CEP131: variants seen among roughly 807,000 people sequenced by gnomAD.
CEP131 encodes centrosomal protein 131.
CEP131 carries 99 observed loss-of-function variants against 136.8 expected under a neutral mutation model. The ratio of observed to expected loss-of-function variants is 0.72; its 90% CI spans 0.62 to 0.86. The LOEUF (loss-of-function observed/expected upper bound fraction) is 0.86, where lower values mean the gene tolerates loss of function less well. Ranked by LOEUF, CEP131 falls within the 40% of genes least tolerant of loss-of-function variation. CEP131 has a pLI of 0.00. For synonymous variants in CEP131, 646 were observed against 612.7 expected, an observed-to-expected ratio of 1.05 and a Z score of -0.80; for missense variants, 1,459 against 1,463.0, an observed-to-expected ratio of 1.00 and a Z score of 0.04.
intron 25 of CEP131, 36 bp from the exon 26 acceptor site, chr17:81,189,879 C>T (rs1456236959): frequency 6.2e-7 from 1 of 1,612,456 alleles, no homozygotes; most frequent in African/African-American, 1.3e-5. Flanking sequence ...CTGCTCCCAG[C>T]CCCGAGGTCC....
chr17:81,217,104 C>T (rs2062264206), intron 2 of CEP131, among the ~76,000 whole-genome samples: 1 of 152,126 alleles, frequency 6.6e-6, no homozygotes, highest in Admixed American at 6.5e-5. Flanking sequence ...TGAGCTTGTG[C>T]TCTTGGGATT....
chr17:81,206,462 A>G (rs936637673), intron 5 of CEP131, among the ~76,000 whole-genome samples: 4 of 152,120 alleles, frequency 2.6e-5, no homozygotes, highest in African/African-American at 9.7e-5. Flanking sequence ...CTCCTCAGCC[A>G]AGGCCCCTCC....
intron 1 of CEP131, 86 bp from the exon 2 acceptor site, chr17:81,220,159 G>T: frequency 8.4e-7 from 1 of 1,185,274 alleles, no homozygotes; most frequent in Non-Finnish European, 1.1e-6. Context: ...AGCCTCAGCT[G>T]GGTCCACTGG....
At chr17:81,193,310 G>A (rs2146504459) in intron 18 of CEP131, among the ~76,000 whole-genome samples, 1 of 152,330 alleles carries the variant, frequency 6.6e-6, no homozygotes, top group Admixed American at 6.5e-5. Flanking sequence ...CCTTCGAGGA[G>A]AGACTGGGGG....
At position 81,190,938 on chromosome 17, in the gene CEP131, T is replaced by G; in HGVS notation, c.2912A>C (p.Gln971Pro). 6.2e-7 allele frequency: 1 copy of G among 1,604,964 alleles called. No individual in the cohort carries two copies. The highest frequency in any genetic ancestry group is 1.1e-5 in the South Asian group (1 of 91,060). Residue 971 changes from glutamine (Q) to proline (P), a missense_variant, in exon 23 of 26, where the codon CAG (glutamine) becomes CCG (proline). Physicochemically the swap from Gln to Pro is moderately conservative, Grantham distance 76. Around this residue, in one of 3 missense-constraint regions of CEP131, gnomAD observed 1,026 missense variants for 964.2 expected, o/e 1.06. Coordinates refer to ENST00000450824, the MANE Select transcript of CEP131 (RefSeq NM_014984.4). The stretch of plus-strand genomic sequence containing the variant: ...CGCATCCTCCAGCGCCCGCTCCTTC[T>G]GCCGCACAAGGCCCTGCAGACGCAG... ...ENLRLQGLVR[Q>P]KERALEDAQA...
Position 81,194,146 on chromosome 17 carries a change from C to G in CEP131, c.2120-19G>C, listed in dbSNP as rs1263513880. 1 of 1,499,390 alleles carries G rather than the reference C, an allele frequency of 6.7e-7. No individual in the cohort carries two copies. The highest frequency in any genetic ancestry group is 1.4e-5 in the African/African-American group (1 of 70,390). The allele number at this position is 1,499,390 out of a possible 1,614,324, so 92.9% of individuals were successfully genotyped here. On this transcript the variant is annotated intron_variant, in intron 17 of 25. Transcript: ENST00000450824. ...TCCAGACCTGGGGGCGGGGCACCAG[C>G]TAGGGCCACGTCCAGCTAGGGTGGG... is the stretch of plus-strand genomic sequence containing the variant.
intron 18 of CEP131, among the ~76,000 whole-genome samples, chr17:81,193,085 A>G (rs541555234): frequency 8.6e-4 from 131 of 152,320 alleles, no homozygotes; most frequent in Non-Finnish European, 1.2e-3. Context: ...CCCTCGTGGC[A>G]CTTTGGGAAG....
At chr17:81,200,080 T>C in intron 8 of CEP131, 1 of 608,920 alleles carries the variant, frequency 1.6e-6, no homozygotes, top group South Asian at 2.0e-5. Context: ...CCACAGAACG[T>C]CCTCCTGAGA....
At position 81,198,269 on chromosome 17, in the gene CEP131, T is replaced by C; in HGVS notation, c.1316A>G (p.Asp439Gly). Residue 439 changes from aspartate (D) to glycine (G), a missense_variant, in exon 12 of 26, where the codon GAC (aspartate) becomes GGC (glycine). This residue lies in a region of CEP131 where 1,026 missense variants were observed against 964.2 expected (regional missense o/e 1.06). Coordinates refer to ENST00000450824, the MANE Select transcript of CEP131 (RefSeq NM_014984.4). ...QDVLAQDAAG[D>G]NLEMMAPSRG... is the part of the protein sequence containing the mutation. ...GCTCGGGGCCATCATCTCCAGGTTG[T>C]CCCCAGCTGCATCCTGGGCAAGAAC... The C allele has an allele frequency of 1.2e-6, 2 of 1,603,740 alleles. No homozygotes were observed. Among genetic ancestry groups the C allele is most frequent in the Non-Finnish European group, 1.7e-6 (2 of 1,175,240 alleles).
rs774071311 is a variant in CEP131 at position 81,194,982 on chromosome 17, G to A, written c.2017-10C>T. The A allele has an allele frequency of 5.6e-6, 9 of 1,604,702 alleles. No homozygotes were observed. The Admixed American group carries it at 1.5e-4, about 27-fold the overall frequency. Reference sequence around the variant, plus strand: ...TGAGTTTTTTAATCTCCTACGAGCAGAACAGGGCAGGAGGAAACGACACGA... The same window carrying A: ...TGAGTTTTTTAATCTCCTACGAGCAAAACAGGGCAGGAGGAAACGACACGA... On this transcript the variant is annotated splice_polypyrimidine_tract_variant and intron_variant, in intron 16 of 25. Coordinates refer to ENST00000450824, the MANE Select transcript of CEP131 (RefSeq NM_014984.4).
At chr17:81,207,420 G>GAA (rs1438829463) in intron 3 of CEP131, among the ~76,000 whole-genome samples, 181 bp from the exon 4 acceptor site, 4 of 152,090 alleles carry the variant, frequency 2.6e-5, no homozygotes, top group African/African-American at 4.8e-5. Flanking sequence ...CAGTGGAGCT[G>GAA]GGCGTTCAGG....
chr17:81,201,778 C>T (rs2061895456), intron 7 of CEP131, among the ~76,000 whole-genome samples: 1 of 152,136 alleles, frequency 6.6e-6, no homozygotes, highest in Non-Finnish European at 1.5e-5. Context: ...GTAAATAGAA[C>T]CACACCACAT....
rs750520168 is a variant in CEP131, at chr17:81,192,352, CTCT to C, written c.2585_2587del (p.Glu862_Arg863delinsGly). Reference sequence around the variant, plus strand: ...GGTGCGGCCGGCCTCCCACGCCTGCCTCTCCAGCTCCAGCTGCTGCTTCAGGGT... The same window carrying C: ...GGTGCGGCCGGCCTCCCACGCCTGCCCCAGCTCCAGCTGCTGCTTCAGGGT... On this transcript the variant is annotated inframe_deletion, in exon 21 of 26. Coordinates refer to ENST00000450824, the MANE Select transcript of CEP131 (RefSeq NM_014984.4). The C allele has an allele frequency of 3.2e-6, 5 of 1,585,156 alleles. No individual in the cohort carries two copies. The Admixed American group carries it at 8.9e-5, about 28-fold the overall frequency.
chr17:81,196,736 C>G lies in CEP131; in HGVS notation c.1864G>C (p.Ala622Pro). 1 of 1,603,782 alleles carries G rather than the reference C, an allele frequency of 6.2e-7. No individual in the cohort carries two copies. The highest frequency in any genetic ancestry group is 8.5e-7 in the Non-Finnish European group (1 of 1,177,436). Residue 622 changes from alanine (A) to proline (P), a missense_variant, in exon 15 of 26, where the codon GCC (alanine) becomes CCC (proline). By Grantham distance (27) the Ala-to-Pro change is conservative (BLOSUM62 -1). This residue lies in a region of CEP131 where 1,026 missense variants were observed against 964.2 expected (regional missense o/e 1.06). Transcript: ENST00000450824. Reference protein sequence around the residue: ...QLQRQREHYEATIQRHLAFID... With the variant: ...QLQRQREHYEPTIQRHLAFID... Reference sequence around the variant, plus strand: ...AAGGCCAAGTGCCGCTGGATGGTGGCCTCGTAGTGCTCCCTCTGCCGCTGC... The same window carrying G: ...AAGGCCAAGTGCCGCTGGATGGTGGGCTCGTAGTGCTCCCTCTGCCGCTGC...
chr17:81,193,379 A>C (rs1598269529), intron 18 of CEP131, among the ~76,000 whole-genome samples: 1 of 152,228 alleles, frequency 6.6e-6, no homozygotes, highest in African/African-American at 2.4e-5. Flanking sequence ...TGGATAGGAG[A>C]GGGTGGCTTC....
chr17:81,202,211 C>A (rs1292424491), intron 7 of CEP131, 29 bp downstream of exon 7: 10 of 1,091,396 alleles, frequency 9.2e-6, no homozygotes, highest in Admixed American at 2.5e-5. Flanking sequence ...TAGGCTCAGG[C>A]CCCCCCCCAC....
Position 81,203,683 on chromosome 17 carries a change from G to T in CEP131, c.516-76C>A. 1 of 1,203,334 alleles carries T rather than the reference G, an allele frequency of 8.3e-7. No individual in the cohort carries two copies. Among genetic ancestry groups the T allele is most frequent in the Non-Finnish European group, 1.2e-6 (1 of 848,360 alleles). 74.5% of individuals were successfully genotyped at this position (1,203,334 alleles called of 1,614,324 possible). ...CTGAGATCTCAGAGCTACACTCGCAGCACGGGCTGGGAGGGAACAAAGGCC... is the reference window on the plus strand; with the variant it reads ...CTGAGATCTCAGAGCTACACTCGCATCACGGGCTGGGAGGGAACAAAGGCC... On this transcript the variant is annotated intron_variant, in intron 5 of 25. Transcript: ENST00000450824. This position sits in a 1 kb window ranked among gnomAD's most constrained non-coding sequence, Gnocchi z 4.6.
Position 81,199,781 on chromosome 17 carries a change from C to G in CEP131, c.961G>C (p.Glu321Gln). The G allele has an allele frequency of 6.2e-7, 1 of 1,611,780 alleles. No homozygotes were observed. Among genetic ancestry groups the G allele is most frequent in the South Asian group, 1.1e-5 (1 of 91,084 alleles). ...TCCCGGGCCTTCCTCCTGGCTGCCT[C>G]TTTCTGCTGGTGCAGGTCCAAGAGG... ...GTLLDLHQQK[E>Q]AARRKAREEK... The change falls in exon 9 of 26, where the codon GAG (glutamate) becomes CAG (glutamine). Residue 321 changes from glutamate to glutamine, a missense_variant. Around this residue, in one of 3 missense-constraint regions of CEP131, gnomAD observed 246 missense variants for 318.9 expected, o/e 0.77. Coordinates refer to ENST00000450824, the MANE Select transcript of CEP131 (RefSeq NM_014984.4).
intron 24 of CEP131, among the ~76,000 whole-genome samples, 186 bp from the exon 25 acceptor site, chr17:81,190,161 C>T (rs1245865634): frequency 6.6e-6 from 1 of 152,206 alleles, no homozygotes; most frequent in Non-Finnish European, 1.5e-5. Context: ...GGACCCAACA[C>T]AGGCCACTGG....
Sources: gnomAD v4.1 joint callset for allele counts (sites outside exome capture counted in the v4.1 genomes callset) on GRCh38, gnomAD v4.1.1 for gene constraint, gnomAD v4.1.1 regional missense constraint, Gnocchi (gnomAD v3.1) non-coding constraint, MANE v1.5 for transcripts, NCBI Gene and HGNC (gene_info 2026-07-23, HGNC 2026-07-21) for gene names.